Variants in AGBL3 observed in about 807,000 individuals in gnomAD.
AGBL3 encodes the protein cytosolic carboxypeptidase 3.
AGBL3 carries 68 observed loss-of-function variants against 94.5 expected under a neutral mutation model. The observed-to-expected ratio is 0.72, with a 90% CI of 0.59 to 0.88. The LOEUF (loss-of-function observed/expected upper bound fraction) is 0.88. AGBL3 is among the 40% of genes least tolerant of loss of function. The pLI, the probability that AGBL3 is intolerant of heterozygous loss-of-function variation, is 0.00. For synonymous variants in AGBL3, 354 were observed against 370.7 expected (o/e 0.95, Z 0.52); for missense variants, 934 against 1,103.8 (o/e 0.85, Z 2.18).
intron 4 of AGBL3, chr7:135,010,271 C>A: frequency 3.9e-6 from 1 of 253,966 alleles, no homozygotes; most frequent in Non-Finnish European, 7.6e-6. Context: ...CGTGATCCGC[C>A]TGCCTCAGCT....
At chr7:135,134,687 G>A (rs1480415906) in intron 16 of AGBL3, among the ~76,000 whole-genome samples, 154 bp from the exon 17 acceptor site, 3 of 152,036 alleles carry the variant, frequency 2.0e-5, no homozygotes, top group African/African-American at 7.2e-5. Context: ...CATGATCAGA[G>A]ATGAAGACTT....
intron 4 of AGBL3, among the ~76,000 whole-genome samples, chr7:135,000,228 T>C (rs922689320): frequency 1.3e-5 from 2 of 152,250 alleles, no homozygotes; most frequent in Non-Finnish European, 2.9e-5. Context: ...GTTAATTTTA[T>C]GTGTCAGCTT....
intron 4 of AGBL3, among the ~76,000 whole-genome samples, chr7:135,015,088 CA>C (rs1813609354): frequency 1.3e-5 from 2 of 152,118 alleles, no homozygotes; most frequent in South Asian, 4.1e-4. Flanking sequence ...AAGATAGCTG[CA>C]AAATCTATCA....
At chr7:135,054,042 G>A (rs989965399) in intron 11 of AGBL3, among the ~76,000 whole-genome samples, 1 of 152,072 alleles carries the variant, frequency 6.6e-6, no homozygotes, top group African/African-American at 2.4e-5. Context: ...TACCTTCTAT[G>A]ATGGCATAAG....
At chr7:135,047,029 TAG>T (rs1817434510) in intron 11 of AGBL3, among the ~76,000 whole-genome samples, 1 of 152,070 alleles carries the variant, frequency 6.6e-6, no homozygotes, top group South Asian at 2.1e-4. Flanking sequence ...AGCAGATCTC[TAG>T]AGTTTATGCA....
chr7:135,002,602 T>C (rs1811858316), intron 4 of AGBL3, among the ~76,000 whole-genome samples: 1 of 152,146 alleles, frequency 6.6e-6, no homozygotes, highest in South Asian at 2.1e-4. Flanking sequence ...AAAGAAACTC[T>C]GAACAGGCAG....
chr7:135,064,625 CT>C, intron 12 of AGBL3, among the ~76,000 whole-genome samples: 1 of 152,280 alleles, frequency 6.6e-6, no homozygotes, highest in Admixed American at 6.5e-5. Flanking sequence ...AGAGAATTTG[CT>C]GATGACATGT....
intron 16 of AGBL3, among the ~76,000 whole-genome samples, chr7:135,117,849 T>G (rs1382197151): frequency 6.6e-6 from 1 of 152,218 alleles, no homozygotes; most frequent in Non-Finnish European, 1.5e-5. Flanking sequence ...AAAGCTGCAT[T>G]TGTAATTATG....
intron 4 of AGBL3, among the ~76,000 whole-genome samples, chr7:135,003,983 T>C (rs12534292): frequency 0.44 from 66,816 of 151,206 alleles, 15,429 homozygotes; most frequent in East Asian, 0.78. Context: ...TCAAAAAATA[T>C]TTAATAATGT....
chr7:135,106,725 C>T (rs1824777306), intron 15 of AGBL3, among the ~76,000 whole-genome samples: 1 of 152,150 alleles, frequency 6.6e-6, no homozygotes, highest in South Asian at 2.1e-4. Flanking sequence ...ATGCTGGCTT[C>T]ATAGAATGAG....
At chr7:135,102,541 C>G (rs988420218) in intron 15 of AGBL3, among the ~76,000 whole-genome samples, 4 of 151,886 alleles carry the variant, frequency 2.6e-5, no homozygotes, top group African/African-American at 9.7e-5. Flanking sequence ...GTGGCTATGA[C>G]AAGCCAGTAG....
intron 12 of AGBL3, among the ~76,000 whole-genome samples, chr7:135,064,965 A>G (rs1819154138): frequency 6.6e-6 from 1 of 152,136 alleles, no homozygotes. Flanking sequence ...TCCTGCTTTC[A>G]TCTCATTTCT....
intron 11 of AGBL3, among the ~76,000 whole-genome samples, chr7:135,058,698 C>G (rs1818551494): frequency 6.6e-6 from 1 of 152,110 alleles, no homozygotes; most frequent in Non-Finnish European, 1.5e-5. Flanking sequence ...TCCACACATT[C>G]AACAAAAACC....
chr7:135,014,809 G>A (rs1216948715), intron 4 of AGBL3, among the ~76,000 whole-genome samples: 2 of 152,100 alleles, frequency 1.3e-5, no homozygotes, highest in Non-Finnish European at 2.9e-5. Flanking sequence ...CACATGACAT[G>A]GTAACTGCTA....
intron 13 of AGBL3, among the ~76,000 whole-genome samples, chr7:135,079,144 A>G (rs1169370649): frequency 1.3e-5 from 2 of 152,158 alleles, no homozygotes; most frequent in South Asian, 2.1e-4. Flanking sequence ...ACAGTTTATT[A>G]TGGTTCACAG....
chr7:135,021,572 G>A (rs1026204343), intron 5 of AGBL3, among the ~76,000 whole-genome samples: 11 of 151,928 alleles, frequency 7.2e-5, no homozygotes, highest in Admixed American at 6.5e-4. Flanking sequence ...GATTACAGGC[G>A]TGAGCCACCA....
intron 13 of AGBL3, 147 bp downstream of exon 13, chr7:135,076,615 C>CAA: frequency 1.6e-6 from 1 of 613,604 alleles, no homozygotes; most frequent in Non-Finnish European, 2.9e-6. Context: ...TATAAAAACA[C>CAA]AAAAGATCTT....
At position 135,034,718 on chromosome 7, in the gene AGBL3, G is replaced by C. The variant is rs777551881; in HGVS notation, c.1127G>C (p.Gly376Ala). 18 of 1,550,852 alleles carry C rather than the reference G, an allele frequency of 1.2e-5. No homozygotes were observed. Among genetic ancestry groups the C allele is most frequent in the East Asian group, 4.9e-5 (2 of 40,916 alleles). ...GETNSSWIMKGFLDYILGNSS... is the reference protein window; with the variant it reads ...GETNSSWIMKAFLDYILGNSS... ...ACCAACAGCTCTTGGATCATGAAAG[G>C]CTTCCTAGATTATATTTTAGGAAAC... Residue 376 changes from glycine to alanine, a missense_variant, in exon 7 of 17, where the codon GGC becomes GCC. By Grantham distance (60) the Gly-to-Ala change is moderately conservative. Transcript: ENST00000436302.
chr7:135,034,096 ATGTCATTT>A, intron 6 of AGBL3, 45 bp from the exon 7 acceptor site: 5 of 1,313,800 alleles, frequency 3.8e-6, no homozygotes, highest in Non-Finnish European at 4.9e-6. Flanking sequence ...TTTTTACAAA[ATGTCATTT>A]TTACATTCTT....
Sources: allele counts gnomAD v4.1 joint callset (sites outside exome capture counted in the v4.1 genomes callset), GRCh38; gene constraint gnomAD v4.1.1; transcripts MANE v1.5; gene names NCBI Gene and HGNC (gene_info 2026-07-23, HGNC 2026-07-21).